Variants in SGIP1 observed in about 807,000 individuals in gnomAD.
SGIP1 encodes SH3GL interacting endocytic adaptor 1, also known as SH3-containing GRB2-like protein 3-interacting protein 1.
Under a neutral mutation model 107.5 loss-of-function variants are expected in SGIP1, and 38 were observed. That is an observed-to-expected ratio of 0.35 (90% CI 0.27 to 0.46). The LOEUF (loss-of-function observed/expected upper bound fraction) is 0.46. Among genes scored for constraint, SGIP1 ranks in the 20% least tolerant of loss-of-function variants. The pLI, the probability that SGIP1 is intolerant of heterozygous loss-of-function variation, is 1.00. For missense variants in SGIP1, 929 were observed against 1,019.5 expected, an observed-to-expected ratio of 0.91 and a Z score of 1.21; for synonymous variants, 365 against 366.1, an observed-to-expected ratio of 1.00 and a Z score of 0.03.
At position 66,746,778 on chromosome 1, in the gene SGIP1, A is replaced by G. The variant is rs2094558716; in HGVS notation, c.*3683A>G. The G allele has an allele frequency of 6.6e-6, 1 of 152,108 alleles. No homozygotes were observed. The highest frequency in any genetic ancestry group is 2.4e-5 in the African/African-American group (1 of 41,432). 9.4% of individuals were successfully genotyped at this position (152,108 alleles called of 1,614,324 possible). On this transcript the variant is annotated 3_prime_UTR_variant, in exon 25 of 25. Coordinates refer to ENST00000371037, the MANE Select transcript of SGIP1 (RefSeq NM_032291.4). ...TGCTTTGTCCACCCTGAACAAAACAATCTGTTTTATGTCACTATACGTACT... is the reference window on the plus strand; with the variant it reads ...TGCTTTGTCCACCCTGAACAAAACAGTCTGTTTTATGTCACTATACGTACT...
intron 1 of SGIP1, among the ~76,000 whole-genome samples, chr1:66,572,937 C>T (rs1053896940): frequency 6.6e-6 from 1 of 152,020 alleles, no homozygotes; most frequent in Non-Finnish European, 1.5e-5. Flanking sequence ...AATATTGTGT[C>T]AAGTGAAAGG....
chr1:66,709,541 G>A (rs189599592), intron 18 of SGIP1, among the ~76,000 whole-genome samples: 180 of 152,260 alleles, frequency 1.2e-3, no homozygotes, highest in Non-Finnish European at 2.2e-3. Flanking sequence ...ATAATTAAAT[G>A]ATGCATTATG....
At chr1:66,660,157 A>AAGAAGAG (rs2081010199) in intron 7 of SGIP1, 1 of 66,180 alleles carries the variant, frequency 1.5e-5, no homozygotes, top group African/African-American at 9.3e-5. Flanking sequence ...GAAAGAAAGA[A>AAGAAGAG]AGAAAGAAAG....
intron 1 of SGIP1, 85 bp downstream of exon 1, chr1:66,534,453 T>A: frequency 6.6e-7 from 1 of 1,507,114 alleles, no homozygotes; most frequent in South Asian, 1.1e-5. Flanking sequence ...CCAGTGTATG[T>A]GGCGGTTCTA....
intron 18 of SGIP1, among the ~76,000 whole-genome samples, chr1:66,712,665 G>A (rs529450132): frequency 5.3e-5 from 8 of 150,692 alleles, no homozygotes; most frequent in South Asian, 2.1e-4. Context: ...CCTTCCCCAC[G>A]TTCATTTTTC....
intron 1 of SGIP1, among the ~76,000 whole-genome samples, chr1:66,556,268 A>G (rs899002317): frequency 7.2e-5 from 11 of 152,142 alleles, no homozygotes; most frequent in African/African-American, 2.6e-4. Context: ...AGTGATGACA[A>G]CTTCACCCTA....
intron 1 of SGIP1, among the ~76,000 whole-genome samples, chr1:66,551,400 AT>A (rs893058698): frequency 1.3e-5 from 2 of 152,110 alleles, no homozygotes; most frequent in Non-Finnish European, 2.9e-5. Context: ...TAAAATTTAA[AT>A]TTTTTAGCAT....
At position 66,630,849 on chromosome 1, in the gene SGIP1, A is replaced by AAGAGAGAGAGAGAGAGAG. The variant is rs1285143862; in HGVS notation, c.75-2218_75-2217insGAGAGAGAGAGAGAGAGA. On this transcript the variant is annotated intron_variant, in intron 2 of 24. Coordinates refer to ENST00000371037, the MANE Select transcript of SGIP1 (RefSeq NM_032291.4). ...AAAGAAAGAAAGAAAGAAAGAAAGA[A>AAGAGAGAGAGAGAGAGAG]AGAAAGAAAGAAAGAAAGAAAGAAA... 6.8e-5 allele frequency among the ~76,000 whole-genome samples: 2 copies of AAGAGAGAGAGAGAGAGAG among 29,314 alleles called. 1 individual carries two copies. The highest frequency in any genetic ancestry group is 3.6e-4 in the African/African-American group (2 of 5,516). The allele number at this position is 29,314 out of a possible 152,430, so 19.2% of individuals were successfully genotyped here. A position where few individuals can be genotyped will look rare whatever the true frequency, so the allele number is the denominator to read the frequency against.
At chr1:66,561,418 A>G (rs1026523628) in intron 1 of SGIP1, among the ~76,000 whole-genome samples, 2 of 152,020 alleles carry the variant, frequency 1.3e-5, no homozygotes, top group African/African-American at 4.8e-5. Context: ...GTCAATAAGC[A>G]TGGTAAAAAA....
At chr1:66,587,523 C>T (rs2062824061) in intron 1 of SGIP1, among the ~76,000 whole-genome samples, 1 of 152,080 alleles carries the variant, frequency 6.6e-6, no homozygotes, top group African/African-American at 2.4e-5. Context: ...CTAATCCAAT[C>T]CCTGCAGTGT....
chr1:66,675,168 A>C (rs1307364099), intron 12 of SGIP1, among the ~76,000 whole-genome samples: 2 of 152,236 alleles, frequency 1.3e-5, no homozygotes, highest in African/African-American at 4.8e-5. Context: ...TCCCATAACT[A>C]TATGAAAACT....
intron 5 of SGIP1, among the ~76,000 whole-genome samples, chr1:66,641,844 A>G (rs1354244441): frequency 6.6e-6 from 1 of 152,146 alleles, no homozygotes; most frequent in Non-Finnish European, 1.5e-5. Flanking sequence ...TTGAGGGTAG[A>G]AATCTTGGAT....
intron 1 of SGIP1, among the ~76,000 whole-genome samples, chr1:66,594,505 T>C (rs2064238115): frequency 6.6e-6 from 1 of 152,194 alleles, no homozygotes; most frequent in African/African-American, 2.4e-5. Flanking sequence ...AAAACTCACT[T>C]GGGTCTCTAT....
chr1:66,535,142 A>G (rs1051035389), intron 1 of SGIP1, among the ~76,000 whole-genome samples: 1 of 152,172 alleles, frequency 6.6e-6, no homozygotes, highest in African/African-American at 2.4e-5. Context: ...TTTAAACTAT[A>G]TTTTATTCTG....
In SGIP1 at chr1:66,733,821, A is replaced by G; in HGVS notation, c.1972A>G (p.Lys658Glu). 6.2e-7 allele frequency: 1 copy of G among 1,613,694 alleles called. No individual in the cohort carries two copies. Among genetic ancestry groups the G allele is most frequent in the Non-Finnish European group, 8.5e-7 (1 of 1,179,772 alleles). Residue 658 changes from lysine to glutamate, a missense_variant, in exon 21 of 25, where the codon AAA becomes GAA. Lys to Glu is a moderately conservative substitution (Grantham distance 56). Coordinates refer to ENST00000371037, the MANE Select transcript of SGIP1 (RefSeq NM_032291.4). ...NMPNLMTHLK[K>E]VSEQKPQATY... ...GCCAAATTTGATGACTCACCTAAAGAAAGTGTCTGAACAAAAACCCCAGGC... is the reference window on the plus strand; with the variant it reads ...GCCAAATTTGATGACTCACCTAAAGGAAGTGTCTGAACAAAAACCCCAGGC...
chr1:66,715,101 C>T (rs1426255647), intron 18 of SGIP1, among the ~76,000 whole-genome samples: 1 of 152,014 alleles, frequency 6.6e-6, no homozygotes, highest in Non-Finnish European at 1.5e-5. Flanking sequence ...GAATAAATTA[C>T]ATCTTAAGGA....
intron 1 of SGIP1, 119 bp downstream of exon 1, chr1:66,534,487 A>C: frequency 4.4e-6 from 5 of 1,147,126 alleles, no homozygotes. Context: ...AATGTTTTGC[A>C]AGCAGAAATG....
chr1:66,705,952 G>A (rs1298635629), intron 18 of SGIP1, among the ~76,000 whole-genome samples: 1 of 151,894 alleles, frequency 6.6e-6, no homozygotes, highest in Non-Finnish European at 1.5e-5. Context: ...ACGGGTTGAC[G>A]GGTGCAGCAA....
intron 13 of SGIP1, among the ~76,000 whole-genome samples, 195 bp downstream of exon 13, chr1:66,677,291 C>T (rs748280363): frequency 1.3e-5 from 2 of 152,170 alleles, no homozygotes; most frequent in Admixed American, 6.5e-5. Context: ...AAGAAAATAA[C>T]ATAATAAAGC....
Sources: gnomAD v4.1 joint callset for allele counts (sites outside exome capture counted in the v4.1 genomes callset) on GRCh38, gnomAD v4.1.1 for gene constraint, MANE v1.5 for transcripts, NCBI Gene and HGNC (gene_info 2026-07-23, HGNC 2026-07-21) for gene names.